The following PDE12 variants were observed in gnomAD, a reference collection of about 807,000 sequenced individuals.
PDE12 encodes 2',5'-phosphodiesterase 12.
In PDE12, 26 loss-of-function variants were observed where a neutral mutation model predicts 45.4. That is an observed-to-expected ratio of 0.57 (90% CI 0.42 to 0.79). The LOEUF (loss-of-function observed/expected upper bound fraction) is 0.79, where lower values mean the gene tolerates loss of function less well. Among genes scored for constraint, PDE12 ranks in the 30% least tolerant of loss-of-function variants. PDE12 has a pLI of 0.00. For synonymous variants in PDE12, 283 were observed against 323.9 expected, an observed-to-expected ratio of 0.87 and a Z score of 1.36; for missense variants, 668 against 790.0, an observed-to-expected ratio of 0.85 and a Z score of 1.85.
chr3:57,595,190 T>C, the PDE12 span, among the ~76,000 whole-genome samples: 1 of 152,252 alleles, frequency 6.6e-6, no homozygotes, highest in Admixed American at 6.5e-5. Context: ...CATACTTCTA[T>C]ATTCCTTGCC....
the PDE12 span, chr3:57,597,349 C>G: frequency 2.1e-6 from 1 of 485,364 alleles, no homozygotes; most frequent in Non-Finnish European, 3.7e-6. Context: ...GCGACTGGCG[C>G]GGCAGCTCCG....
Position 57,561,559 on chromosome 3 carries a change from A to C in PDE12, c.*1555A>C, listed in dbSNP as rs1468674290. Reference sequence around the variant, plus strand: ...TACTAATTCAGTTATGAAATACATTATTTATAATGCATTAGCTGTATTAGC... The same window carrying C: ...TACTAATTCAGTTATGAAATACATTCTTTATAATGCATTAGCTGTATTAGC... On this transcript the variant is annotated 3_prime_UTR_variant, in exon 3 of 3. Transcript: ENST00000311180. 1.0e-5 allele frequency: 10 copies of C among 984,272 alleles called. No homozygotes were observed. Among genetic ancestry groups the C allele is most frequent in the Non-Finnish European group, 1.2e-5 (10 of 828,914 alleles). The allele number at this position is 984,272 out of a possible 1,614,324, so 61.0% of individuals were successfully genotyped here.
chr3:57,595,847 A>T, the PDE12 span, among the ~76,000 whole-genome samples: 1 of 152,048 alleles, frequency 6.6e-6, no homozygotes, highest in African/African-American at 2.4e-5. Flanking sequence ...GCTACTCGGG[A>T]GGCTGAGGCA....
chr3:57,567,195 C>G (rs755165764), downstream of PDE12, among the ~76,000 whole-genome samples: 13 of 151,982 alleles, frequency 8.6e-5, no homozygotes, highest in Non-Finnish European at 1.5e-4. Flanking sequence ...GCCTGTAGTC[C>G]CAGCTAATCC....
downstream of PDE12, among the ~76,000 whole-genome samples, chr3:57,569,663 T>G (rs185519475): frequency 3.6e-4 from 54 of 151,860 alleles, no homozygotes; most frequent in Non-Finnish European, 6.9e-4. Context: ...GCCTAATACT[T>G]TCTTTAAAAA....
At position 57,560,827 on chromosome 3, in the gene PDE12, G is replaced by T; in HGVS notation, c.*823G>T. 1 of 985,402 alleles carries T rather than the reference G, an allele frequency of 1.0e-6. No individual in the cohort carries two copies. 61.0% of individuals were successfully genotyped at this position (985,402 alleles called of 1,614,324 possible). ...CTTAGAGACCTAAGGTGAGAGACTT[G>T]ACACATGGAAGGAGTAACATTAGGG... is the stretch of plus-strand genomic sequence containing the variant. On this transcript the variant is annotated 3_prime_UTR_variant, in exon 3 of 3. Coordinates refer to ENST00000311180, the MANE Select transcript of PDE12 (RefSeq NM_177966.7).
chr3:57,607,750 G>A, the PDE12 span, among the ~76,000 whole-genome samples: 1,169 of 152,230 alleles, frequency 7.7e-3, 18 homozygotes, highest in African/African-American at 0.027. Flanking sequence ...CCAAATCTAC[G>A]TCTGATTGGT....
chr3:57,568,508 A>T (rs772886477), downstream of PDE12, among the ~76,000 whole-genome samples: 2 of 152,100 alleles, frequency 1.3e-5, no homozygotes, highest in African/African-American at 2.4e-5. Flanking sequence ...CTACTGCCTG[A>T]AAGATAATTC....
chr3:57,595,837 G>C, the PDE12 span, among the ~76,000 whole-genome samples: 1 of 152,028 alleles, frequency 6.6e-6, no homozygotes, highest in African/African-American at 2.4e-5. Flanking sequence ...TGTAATCCCA[G>C]CTACTCGGGA....
the PDE12 span, among the ~76,000 whole-genome samples, chr3:57,613,900 CAAAAAAA>C: frequency 0.011 from 651 of 59,478 alleles, 4 homozygotes; most frequent in Middle Eastern, 0.042. Flanking sequence ...GACTCCATCT[CAAAAAAA>C]AAAAAAAAAA....
In PDE12 at chr3:57,556,471, C is replaced by T. The variant is rs1193337295; in HGVS notation, c.92C>T (p.Ala31Val). 1 of 1,611,836 alleles carries T rather than the reference C, an allele frequency of 6.2e-7. No homozygotes were observed. Among genetic ancestry groups the T allele is most frequent in the Non-Finnish European group, 8.5e-7 (1 of 1,179,226 alleles). Residue 31 changes from alanine to valine, a missense_variant, in exon 1 of 3, where the codon GCG becomes GTG. By Grantham distance (64) the Ala-to-Val change is moderately conservative. This residue lies in a region of PDE12 where 580 missense variants were observed against 662.9 expected (regional missense o/e 0.87). Transcript: ENST00000311180. This position sits in a 1 kb window ranked among gnomAD's most constrained non-coding sequence, Gnocchi z 5.0. The stretch of plus-strand genomic sequence containing the variant: ...CGGGCTGAAGCGGGGAGCCAGACAG[C>T]GGCGGGAGCGATGGAGCGCGCTGTA... ...LSRAEAGSQT[A>V]AGAMERAVVR...
rs137957097 is a variant in PDE12 at position 57,557,327 on chromosome 3, T to G, written c.948T>G (p.Val316=). 5 of 1,613,814 alleles carry G rather than the reference T, an allele frequency of 3.1e-6. No homozygotes were observed. The African/African-American group carries it at 6.7e-5, about 22-fold the overall frequency. The change falls in exon 1 of 3, where the codon GTT becomes GTG. Residue 316 remains valine (V), a synonymous_variant. Transcript: ENST00000311180. The part of the protein sequence containing the change: ...TYAQTEFSRT[V]LYPYCAPYAL... ...CGCAGACTGAGTTCTCGCGAACGGT[T>G]CTGTACCCATACTGTGCCCCCTACG...
rs3172345 is a variant in PDE12, at chr3:57,561,688, T to C, written c.*1684T>C. 14 of 985,104 alleles carry C rather than the reference T, an allele frequency of 1.4e-5. No homozygotes were observed. The East Asian group carries it at 1.5e-3, about 104-fold the overall frequency. The allele number at this position is 985,104 out of a possible 1,614,324, so 61.0% of individuals were successfully genotyped here. ...CTCCCTTCAAGAAAAGCTTTGATTT[T>C]CCCCAGTCATGAAAGCCCTTGTTTC... On this transcript the variant is annotated 3_prime_UTR_variant, in exon 3 of 3. Coordinates refer to ENST00000311180, the MANE Select transcript of PDE12 (RefSeq NM_177966.7).
the PDE12 span, among the ~76,000 whole-genome samples, chr3:57,649,026 T>C: frequency 1.3e-5 from 2 of 151,972 alleles, no homozygotes; most frequent in Admixed American, 6.6e-5. Flanking sequence ...TGGGACTTAT[T>C]TTGCTTCTGT....
chr3:57,611,021 C>G, the PDE12 span, among the ~76,000 whole-genome samples: 2 of 152,118 alleles, frequency 1.3e-5, no homozygotes, highest in Non-Finnish European at 2.9e-5. Context: ...CAGCATGGTA[C>G]TGGTACCAAA....
the PDE12 span, among the ~76,000 whole-genome samples, chr3:57,587,383 T>C: frequency 7.3e-6 from 1 of 136,358 alleles, no homozygotes; most frequent in South Asian, 2.3e-4. Context: ...ATTGAAGAAA[T>C]CCAAGACAAA....
chr3:57,601,294 G>C, the PDE12 span, among the ~76,000 whole-genome samples: 1 of 152,034 alleles, frequency 6.6e-6, no homozygotes, highest in African/African-American at 2.4e-5. Flanking sequence ...ATTTTTAGCA[G>C]AGAGGGGGTT....
At chr3:57,599,130 T>C in the PDE12 span, among the ~76,000 whole-genome samples, 2 of 152,216 alleles carry the variant, frequency 1.3e-5, no homozygotes, top group African/African-American at 4.8e-5. Context: ...AGATGAACAT[T>C]GGTTCATTCT....
At chr3:57,615,575 G>A in the PDE12 span, among the ~76,000 whole-genome samples, 18 of 152,004 alleles carry the variant, frequency 1.2e-4, no homozygotes, top group Non-Finnish European at 2.4e-4. Context: ...AGGCCGAGGC[G>A]GGTGGATCAT....
Sources: gnomAD v4.1 joint callset for allele counts (sites outside exome capture counted in the v4.1 genomes callset) on GRCh38, gnomAD v4.1.1 for gene constraint, gnomAD v4.1.1 regional missense constraint, Gnocchi (gnomAD v3.1) non-coding constraint, MANE v1.5 for transcripts, NCBI Gene and HGNC (gene_info 2026-07-23, HGNC 2026-07-21) for gene names.